Variants in DAB1 observed in about 807,000 individuals in gnomAD.
The protein encoded by DAB1 is DAB adaptor protein 1, also known as disabled homolog 1.
DAB1 carries 15 observed loss-of-function variants against 64.6 expected under a neutral mutation model. That is an observed-to-expected ratio of 0.23 (90% CI 0.16 to 0.36). DAB1 has a LOEUF of 0.36. DAB1 is among the 10% of genes least tolerant of loss of function. DAB1 has a pLI of 1.00. For missense variants in DAB1, 596 were observed against 706.7 expected (o/e 0.84, Z 1.78); for synonymous variants, 235 against 251.9 (o/e 0.93, Z 0.64).
At chr1:57,987,883 T>C (rs1255229406) in intron 5 of DAB1, among the ~76,000 whole-genome samples, 1 of 151,410 alleles carries the variant, frequency 6.6e-6, no homozygotes, top group Non-Finnish European at 1.5e-5. Context: ...CGGTTACTAA[T>C]GGAGAAGAAG....
At chr1:57,902,023 T>G (rs1202757953) in intron 5 of DAB1, among the ~76,000 whole-genome samples, 1 of 151,860 alleles carries the variant, frequency 6.6e-6, no homozygotes, top group Admixed American at 6.6e-5. Flanking sequence ...GGCATGGTAG[T>G]GCACATCTGT....
At chr1:58,191,404 G>A (rs191262085) in intron 4 of DAB1, among the ~76,000 whole-genome samples, 79 of 151,866 alleles carry the variant, frequency 5.2e-4, no homozygotes, top group African/African-American at 1.4e-3. Context: ...TTTTTCAATC[G>A]GAATCCCAAT....
intron 4 of DAB1, among the ~76,000 whole-genome samples, chr1:57,114,538 T>C (rs1392749127): frequency 1.3e-5 from 2 of 152,216 alleles, no homozygotes; most frequent in East Asian, 1.9e-4. Context: ...TTGTCCATTG[T>C]TGCAAAATGG....
At chr1:58,173,719 G>C (rs1300792195) in intron 4 of DAB1, among the ~76,000 whole-genome samples, 1 of 152,120 alleles carries the variant, frequency 6.6e-6, no homozygotes, top group African/African-American at 2.4e-5. Flanking sequence ...TTCTGTCTAT[G>C]CAGCCGAAGT....
At chr1:57,366,718 AT>A (rs1322180606) in intron 1 of DAB1, among the ~76,000 whole-genome samples, 5 of 152,212 alleles carry the variant, frequency 3.3e-5, no homozygotes, top group African/African-American at 1.2e-4. Context: ...TGGTACTGTT[AT>A]TATTCTGACC....
At chr1:57,353,000 T>C (rs956053995) in intron 1 of DAB1, among the ~76,000 whole-genome samples, 5 of 152,076 alleles carry the variant, frequency 3.3e-5, no homozygotes, top group African/African-American at 9.7e-5. Context: ...TCAAGGCTGC[T>C]GGCCTAAGCT....
At chr1:58,426,334 A>C (rs1448945779) in intron 3 of DAB1, among the ~76,000 whole-genome samples, 1 of 152,202 alleles carries the variant, frequency 6.6e-6, no homozygotes, top group Non-Finnish European at 1.5e-5. Flanking sequence ...TTCAGGAAAC[A>C]GGAAGAAAGA....
At chr1:57,577,677 G>C (rs150699771) in intron 7 of DAB1, among the ~76,000 whole-genome samples, 32 of 152,178 alleles carry the variant, frequency 2.1e-4, no homozygotes, top group African/African-American at 7.2e-4. Context: ...TCCACTCTAG[G>C]GGGAGGGGTG....
intron 2 of DAB1, among the ~76,000 whole-genome samples, chr1:57,235,353 A>G (rs1013127912): frequency 6.6e-6 from 1 of 152,236 alleles, no homozygotes; most frequent in Non-Finnish European, 1.5e-5. Context: ...GTCTGACACA[A>G]GAGATGTTAT....
At chr1:57,174,870 T>C (rs959883980) in intron 2 of DAB1, among the ~76,000 whole-genome samples, 5 of 152,158 alleles carry the variant, frequency 3.3e-5, no homozygotes, top group Non-Finnish European at 5.9e-5. Context: ...GGATAGTATA[T>C]AATTAGTTAG....
At chr1:57,870,700 C>A (rs1643931137) in intron 1 of DAB1, among the ~76,000 whole-genome samples, 1 of 152,140 alleles carries the variant, frequency 6.6e-6, no homozygotes, top group Non-Finnish European at 1.5e-5. Context: ...ACAGCACATA[C>A]TCAGTAAATG....
At chr1:58,261,593 A>C (rs751308147) in intron 4 of DAB1, among the ~76,000 whole-genome samples, 2 of 152,136 alleles carry the variant, frequency 1.3e-5, no homozygotes, top group Non-Finnish European at 2.9e-5. Flanking sequence ...GAAGGGGTGG[A>C]GAAAGGCCAG....
chr1:57,015,623 C>T (rs1472499232), intron 11 of DAB1, among the ~76,000 whole-genome samples, 192 bp from the exon 12 acceptor site: 1 of 152,206 alleles, frequency 6.6e-6, no homozygotes, highest in African/African-American at 2.4e-5. Flanking sequence ...GAGAAGTGGT[C>T]AGGGAAATCC....
intron 1 of DAB1, among the ~76,000 whole-genome samples, chr1:57,412,860 T>A (rs1357366312): frequency 6.6e-6 from 1 of 152,244 alleles, no homozygotes; most frequent in African/African-American, 2.4e-5. Flanking sequence ...TGATCATTGA[T>A]GAAGTTGGTT....
intron 3 of DAB1, among the ~76,000 whole-genome samples, chr1:57,141,987 T>C (rs1570767721): frequency 2.0e-5 from 3 of 152,342 alleles, no homozygotes; most frequent in Admixed American, 2.0e-4. Flanking sequence ...TTAACTTCTC[T>C]GACCCTCAGA....
At chr1:57,753,906 C>T (rs1557461567) in intron 6 of DAB1, among the ~76,000 whole-genome samples, 1 of 152,274 alleles carries the variant, frequency 6.6e-6, no homozygotes, top group East Asian at 1.9e-4. Flanking sequence ...GCAAGTACAA[C>T]CACAAGTTAG....
chr1:58,463,483 C>A (rs1026898793), intron 3 of DAB1, among the ~76,000 whole-genome samples: 2 of 152,172 alleles, frequency 1.3e-5, no homozygotes, highest in African/African-American at 2.4e-5. Flanking sequence ...GCCTTCCTGG[C>A]CCTTGCATGG....
intron 2 of DAB1, among the ~76,000 whole-genome samples, chr1:57,254,318 G>C (rs956220265): frequency 1.3e-5 from 2 of 152,176 alleles, no homozygotes; most frequent in South Asian, 2.1e-4. Flanking sequence ...GTGTCACCAG[G>C]GTTACTGAAG....
At chr1:57,181,137 T>C (rs1012827347) in intron 2 of DAB1, among the ~76,000 whole-genome samples, 29 of 152,312 alleles carry the variant, frequency 1.9e-4, no homozygotes, top group Middle Eastern at 6.8e-3. Context: ...ATGCATGTAG[T>C]AGACGCTTGA....
Sources: allele counts gnomAD v4.1 joint callset (sites outside exome capture counted in the v4.1 genomes callset), GRCh38; gene constraint gnomAD v4.1.1; transcripts MANE v1.5; gene names NCBI Gene and HGNC (gene_info 2026-07-23, HGNC 2026-07-21).